LYPD6B: variants seen among roughly 807,000 people sequenced by gnomAD.
LYPD6B encodes ly6/PLAUR domain-containing protein 6B.
In LYPD6B, 17 loss-of-function variants were observed where a neutral mutation model predicts 22.8. The observed-to-expected ratio is 0.75, with a 90% CI of 0.51 to 1.12. The LOEUF is 1.12. LYPD6B is among the 50% of genes most tolerant of loss of function. The probability of loss-of-function intolerance (pLI) is 0.00; values close to 1 mark genes in which losing one functional copy is unlikely to be tolerated. For missense variants in LYPD6B, 221 were observed against 258.3 expected, an observed-to-expected ratio of 0.86 and a Z score of 0.99; for synonymous variants, 106 against 91.6, an observed-to-expected ratio of 1.16 and a Z score of -0.90.
intron 2 of LYPD6B, among the ~76,000 whole-genome samples, chr2:149,137,637 A>G (rs1688448923): frequency 6.6e-6 from 1 of 152,224 alleles, no homozygotes; most frequent in African/African-American, 2.4e-5. Flanking sequence ...AGAGTGAAAC[A>G]ATCATTATAG....
intron 3 of LYPD6B, among the ~76,000 whole-genome samples, chr2:149,196,839 A>C (rs1692841648): frequency 6.6e-6 from 1 of 152,208 alleles, no homozygotes; most frequent in African/African-American, 2.4e-5. Flanking sequence ...AGGCTAAACG[A>C]AGTCAAAAAG....
intron 1 of LYPD6B, among the ~76,000 whole-genome samples, chr2:149,043,718 T>C (rs1683187997): frequency 6.6e-6 from 1 of 152,128 alleles, no homozygotes; most frequent in Non-Finnish European, 1.5e-5. Context: ...AACCAAAAAG[T>C]CTTGAACATT....
chr2:149,116,903 C>T (rs1687032212), intron 1 of LYPD6B, among the ~76,000 whole-genome samples: 1 of 152,116 alleles, frequency 6.6e-6, no homozygotes, highest in South Asian at 2.1e-4. Context: ...CCTTGGCTTC[C>T]TGGACATCAG....
chr2:149,212,965 TTTTG>T, intron 5 of LYPD6B, 23 bp from the exon 6 acceptor site: 1 of 1,606,364 alleles, frequency 6.2e-7, no homozygotes, highest in Non-Finnish European at 8.5e-7. Flanking sequence ...TGTTTCTTGG[TTTTG>T]TTTTTTGTTT....
chr2:149,191,429 C>G (rs977525139), intron 3 of LYPD6B, among the ~76,000 whole-genome samples: 1 of 152,078 alleles, frequency 6.6e-6, no homozygotes, highest in Non-Finnish European at 1.5e-5. Flanking sequence ...CTTGTCCCAA[C>G]TCAACTTCTT....
chr2:149,054,351 T>C (rs1683694132), intron 1 of LYPD6B, among the ~76,000 whole-genome samples: 1 of 152,204 alleles, frequency 6.6e-6, no homozygotes, highest in African/African-American at 2.4e-5. Context: ...TAACTAATGT[T>C]GTTGGGAATT....
intron 1 of LYPD6B, among the ~76,000 whole-genome samples, chr2:149,100,918 G>A (rs771767353): frequency 3.0e-4 from 45 of 152,152 alleles, no homozygotes; most frequent in Non-Finnish European, 8.8e-5. Context: ...CCCTCCTGCC[G>A]TCAGCTGTCT....
chr2:149,099,346 G>T lies in LYPD6B; in HGVS notation c.-66-31537G>T, dbSNP rs73963352. Among the ~76,000 whole-genome samples the T allele has an allele frequency of 7.0e-3, 1,064 of 152,196 alleles. 18 individuals carry two copies. Among genetic ancestry groups the T allele is most frequent in the African/African-American group, 0.024 (979 of 41,464 alleles). ...GAGAGAGTCACCTCCACTGGGGACT[G>T]CCAGACCCTTACAGTCTCAGCTGGG... On this transcript the variant is annotated intron_variant, in intron 1 of 6. Transcript: ENST00000409642.
chr2:149,202,346 G>A (rs773048784), intron 3 of LYPD6B, among the ~76,000 whole-genome samples: 5 of 152,064 alleles, frequency 3.3e-5, no homozygotes, highest in Non-Finnish European at 7.4e-5. Flanking sequence ...CCCCTCCTTC[G>A]TGTTCCAGCC....
At chr2:149,213,254 A>G (rs1693990383) in intron 6 of LYPD6B, 132 bp downstream of exon 6, 1 of 1,237,436 alleles carries the variant, frequency 8.1e-7, no homozygotes, top group Non-Finnish European at 1.1e-6. Flanking sequence ...CCATACAAAG[A>G]TAAAATGGAG....
At chr2:149,149,717 A>G (rs1689248866) in intron 2 of LYPD6B, among the ~76,000 whole-genome samples, 1 of 151,976 alleles carries the variant, frequency 6.6e-6, no homozygotes, top group Non-Finnish European at 1.5e-5. Flanking sequence ...AACCTCCCCT[A>G]CTTCTAACTG....
intron 3 of LYPD6B, among the ~76,000 whole-genome samples, chr2:149,169,960 G>A (rs1690707776): frequency 6.6e-6 from 1 of 152,252 alleles, no homozygotes; most frequent in East Asian, 1.9e-4. Context: ...CCAGGCAATG[G>A]GAGTCTAGGG....
chr2:149,143,125 G>T (rs973893942), intron 2 of LYPD6B, among the ~76,000 whole-genome samples: 12 of 151,882 alleles, frequency 7.9e-5, no homozygotes, highest in Admixed American at 2.0e-4. Context: ...TTTTCCTTTT[G>T]TCCATTATCT....
At chr2:149,189,341 A>AG (rs1692327858) in intron 3 of LYPD6B, among the ~76,000 whole-genome samples, 1 of 15,782 alleles carries the variant, frequency 6.3e-5, no homozygotes, top group Non-Finnish European at 1.2e-4. Context: ...TTTGTCCAAA[A>AG]TTATATATAT....
At chr2:149,187,446 A>T in intron 3 of LYPD6B, 2 of 1,532,824 alleles carry the variant, frequency 1.3e-6, no homozygotes. Flanking sequence ...CATTGTACAG[A>T]AGAAGATGAG....
At chr2:149,048,996 T>A (rs1199771958) in intron 1 of LYPD6B, among the ~76,000 whole-genome samples, 1 of 152,210 alleles carries the variant, frequency 6.6e-6, no homozygotes, top group Non-Finnish European at 1.5e-5. Flanking sequence ...GCTCCCCAGG[T>A]GAGTCTGATA....
intron 3 of LYPD6B, among the ~76,000 whole-genome samples, chr2:149,178,858 C>T (rs1318430492): frequency 6.6e-6 from 1 of 152,152 alleles, no homozygotes; most frequent in Non-Finnish European, 1.5e-5. Flanking sequence ...CCACCTTCCC[C>T]GATGGAATGA....
At chr2:149,052,057 G>A (rs977338318) in intron 1 of LYPD6B, among the ~76,000 whole-genome samples, 3 of 151,682 alleles carry the variant, frequency 2.0e-5, no homozygotes, top group African/African-American at 7.3e-5. Flanking sequence ...TACAATACTA[G>A]GATTATTATT....
chr2:149,160,529 G>T, intron 2 of LYPD6B: 1 of 629,904 alleles, frequency 1.6e-6, no homozygotes, highest in South Asian at 1.5e-5. Flanking sequence ...TGGGGCCCAG[G>T]TGTGTGTTAA....
Sources: allele counts gnomAD v4.1 joint callset (sites outside exome capture counted in the v4.1 genomes callset), GRCh38; gene constraint gnomAD v4.1.1; transcripts MANE v1.5; gene names NCBI Gene and HGNC (gene_info 2026-07-23, HGNC 2026-07-21).